Variants in TMEM200A observed in about 807,000 individuals in gnomAD.
TMEM200A encodes two transmembrane C.
In TMEM200A, 12 loss-of-function variants were observed where a neutral mutation model predicts 24.3. The observed-to-expected ratio is 0.49, with a 90% CI of 0.32 to 0.80. The LOEUF (loss-of-function observed/expected upper bound fraction) is 0.80, where lower values mean the gene tolerates loss of function less well. Among genes scored for constraint, TMEM200A ranks in the 30% least tolerant of loss-of-function variants. TMEM200A has a pLI of 0.04. For synonymous variants in TMEM200A, 224 were observed against 224.4 expected (o/e 1.00, Z 0.02); for missense variants, 545 against 614.4 (o/e 0.89, Z 1.19).
At chr6:130,421,510 T>TTTTGTGTGTG (rs1779588438) in intron 2 of TMEM200A, among the ~76,000 whole-genome samples, 1 of 148,928 alleles carries the variant, frequency 6.7e-6, no homozygotes, top group African/African-American at 2.5e-5. Context: ...ACAGTTACCT[T>TTTTGTGTGTG]TGTGTGTGTG....
Position 130,440,392 on chromosome 6 carries a change from T to C in TMEM200A, c.-16-15T>C. ...ATATTTACATCATCTTTTTCCTTTT[T>C]TTTTTCTTCTTCAGAGTAAAAGGCC... On this transcript the variant is annotated splice_polypyrimidine_tract_variant and intron_variant, in intron 2 of 2. Transcript: ENST00000296978. 1 of 1,507,524 alleles carries C rather than the reference T, an allele frequency of 6.6e-7. No homozygotes were observed. The highest frequency in any genetic ancestry group is 8.8e-7 in the Non-Finnish European group (1 of 1,131,172). The allele number at this position is 1,507,524 out of a possible 1,614,324, so 93.4% of individuals were successfully genotyped here.
At chr6:130,382,810 C>A (rs1470699943) in intron 1 of TMEM200A, among the ~76,000 whole-genome samples, 1 of 152,120 alleles carries the variant, frequency 6.6e-6, no homozygotes, top group African/African-American at 2.4e-5. Context: ...AATGACTGAG[C>A]CCCACTAAAA....
intron 2 of TMEM200A, among the ~76,000 whole-genome samples, chr6:130,406,103 C>A (rs1779205507): frequency 6.6e-6 from 1 of 152,124 alleles, no homozygotes. Context: ...TCCATCAGAT[C>A]CTTGTCTTTT....
chr6:130,401,409 TTCTTTC>T lies in TMEM200A; in HGVS notation c.-17+16181_-17+16186del, dbSNP rs1779081031. On this transcript the variant is annotated intron_variant, in intron 2 of 2. Transcript: ENST00000296978. ...TGCTTGCTTCTTTCTTTCTTTTTCT[TTCTTTC>T]TCTTTCTTTCTTTCTCTCTTTCCTT... 4.8e-5 allele frequency among the ~76,000 whole-genome samples: 7 copies of T among 146,546 alleles called. 2 individuals carry two copies. The highest frequency in any genetic ancestry group is 4.1e-4 in the Admixed American group (6 of 14,672).
intron 2 of TMEM200A, among the ~76,000 whole-genome samples, chr6:130,431,213 C>T (rs554739124): frequency 7.5e-4 from 114 of 152,256 alleles, no homozygotes; most frequent in Non-Finnish European, 2.2e-4. Context: ...TTACAGGTAT[C>T]TAAAATCACC....
intron 2 of TMEM200A, among the ~76,000 whole-genome samples, chr6:130,412,584 A>T (rs1397743367): frequency 6.6e-6 from 1 of 152,084 alleles, no homozygotes; most frequent in East Asian, 1.9e-4. Flanking sequence ...TACCCAGCTC[A>T]GACTTGAATA....
chr6:130,413,529 T>G (rs182717873), intron 2 of TMEM200A, among the ~76,000 whole-genome samples: 194 of 152,232 alleles, frequency 1.3e-3, no homozygotes, highest in African/African-American at 4.4e-3. Flanking sequence ...CCACTAGAGA[T>G]CTGGAAATTC....
chr6:130,439,325 C>G (rs927057631), intron 2 of TMEM200A: 3 of 152,056 alleles, frequency 2.0e-5, no homozygotes, highest in African/African-American at 7.2e-5. Flanking sequence ...AATTAAAGGA[C>G]ATCGTATATT....
chr6:130,394,056 C>G (rs999313892), intron 2 of TMEM200A, among the ~76,000 whole-genome samples: 1 of 152,180 alleles, frequency 6.6e-6, no homozygotes, highest in Non-Finnish European at 1.5e-5. Context: ...CAACAAATCA[C>G]ATCCCTAGTT....
chr6:130,369,399 A>G (rs928143172), intron 1 of TMEM200A, among the ~76,000 whole-genome samples: 3 of 152,200 alleles, frequency 2.0e-5, no homozygotes, highest in Admixed American at 6.5e-5. Flanking sequence ...GGAGAGAGAC[A>G]TAAGGTTAGG....
At position 130,366,126 on chromosome 6, in the gene TMEM200A, T is replaced by A. The variant is rs1297392957; in HGVS notation, c.-479T>A. 1 of 985,268 alleles carries A rather than the reference T, an allele frequency of 1.0e-6. No homozygotes were observed. The highest frequency in any genetic ancestry group is 1.7e-5 in the African/African-American group (1 of 57,234). 61.0% of individuals were successfully genotyped at this position (985,268 alleles called of 1,614,324 possible). ...GGCGACTCCCTCTCCCCTGCCCGGC[T>A]TGCTGCGCCCGGTGCCCTCCGAGGG... On this transcript the variant is annotated 5_prime_UTR_variant, in exon 1 of 3. In the 5' UTR this introduces an upstream ATG that the reference lacks. Transcript: ENST00000296978. This position sits in a 1 kb window ranked among gnomAD's most constrained non-coding sequence, Gnocchi z 4.4.
At chr6:130,385,890 A>G (rs370134737) in intron 2 of TMEM200A, among the ~76,000 whole-genome samples, 13 of 152,314 alleles carry the variant, frequency 8.5e-5, no homozygotes, top group African/African-American at 2.9e-4. Flanking sequence ...CAAAATGAAC[A>G]GTTGAGAAAA....
intron 2 of TMEM200A, among the ~76,000 whole-genome samples, chr6:130,402,613 C>T (rs1036196882): frequency 6.6e-6 from 1 of 152,010 alleles, no homozygotes; most frequent in African/African-American, 2.4e-5. Context: ...ATAGCCAAGA[C>T]TTTTCTTTCT....
chr6:130,426,961 G>A (rs1160739380), intron 2 of TMEM200A, among the ~76,000 whole-genome samples: 1 of 152,154 alleles, frequency 6.6e-6, no homozygotes, highest in Admixed American at 6.5e-5. Context: ...AGATTATAAT[G>A]TGTCATAAAT....
chr6:130,437,045 A>C (rs191102938), intron 2 of TMEM200A: 1 of 152,148 alleles, frequency 6.6e-6, no homozygotes, highest in Non-Finnish European at 1.5e-5. Context: ...ACAAGTTCAG[A>C]TTAATTTTTT....
At position 130,440,395 on chromosome 6, in the gene TMEM200A, T is replaced by C. The variant is rs774796503; in HGVS notation, c.-16-12T>C. On this transcript the variant is annotated splice_polypyrimidine_tract_variant and intron_variant, in intron 2 of 2. Transcript: ENST00000296978. The stretch of plus-strand genomic sequence containing the variant: ...TTTACATCATCTTTTTCCTTTTTTT[T>C]TTCTTCTTCAGAGTAAAAGGCCAAG... 7 of 1,509,016 alleles carry C rather than the reference T, an allele frequency of 4.6e-6. No homozygotes were observed. The highest frequency in any genetic ancestry group is 4.7e-5 in the Admixed American group (2 of 42,634). The allele number at this position is 1,509,016 out of a possible 1,614,324, so 93.5% of individuals were successfully genotyped here.
intron 2 of TMEM200A, among the ~76,000 whole-genome samples, chr6:130,401,674 G>T (rs1466125478): frequency 5.9e-5 from 9 of 151,760 alleles, no homozygotes; most frequent in Non-Finnish European, 1.5e-5. Flanking sequence ...ATTAAGTATT[G>T]CAAGATTGTT....
intron 2 of TMEM200A, among the ~76,000 whole-genome samples, chr6:130,394,405 C>T (rs982999343): frequency 7.2e-5 from 11 of 152,166 alleles, no homozygotes; most frequent in Admixed American, 6.5e-4. Context: ...AATGCATCCC[C>T]GTAAATACTC....
chr6:130,389,069 C>T (rs548705427), intron 2 of TMEM200A, among the ~76,000 whole-genome samples: 2 of 152,224 alleles, frequency 1.3e-5, no homozygotes, highest in East Asian at 3.9e-4. Context: ...AAGATATTGT[C>T]TTTGACTCTC....
Sources: allele counts gnomAD v4.1 joint callset (sites outside exome capture counted in the v4.1 genomes callset), GRCh38; gene constraint gnomAD v4.1.1; non-coding constraint Gnocchi (gnomAD v3.1); transcripts MANE v1.5; gene names NCBI Gene and HGNC (gene_info 2026-07-23, HGNC 2026-07-21).